FHIT: variants seen among roughly 807,000 people sequenced by gnomAD.
FHIT encodes the protein bis(5'-adenosyl)-triphosphatase.
FHIT carries 19 observed loss-of-function variants against 17.9 expected under a neutral mutation model. That is an observed-to-expected ratio of 1.06 (90% CI 0.74 to 1.56). The LOEUF (loss-of-function observed/expected upper bound fraction) is 1.56, where lower values mean the gene tolerates loss of function less well. FHIT is among the 40% of genes most tolerant of loss of function. FHIT has a pLI of 0.00. For synonymous variants in FHIT, 81 were observed against 69.7 expected, an observed-to-expected ratio of 1.16 and a Z score of -0.81; for missense variants, 248 against 189.2, an observed-to-expected ratio of 1.31 and a Z score of -1.82.
chr3:60,970,053 C>A (rs1032529466), intron 3 of FHIT, among the ~76,000 whole-genome samples: 6 of 152,048 alleles, frequency 3.9e-5, no homozygotes, highest in African/African-American at 1.4e-4. Flanking sequence ...TAAACTCCTA[C>A]ACTGAAGCGA....
intron 7 of FHIT, among the ~76,000 whole-genome samples, chr3:59,965,050 C>T (rs1250269663): frequency 6.6e-6 from 1 of 152,092 alleles, no homozygotes; most frequent in African/African-American, 2.4e-5. Context: ...ACACTTGTGG[C>T]CCTCTGCTCT....
chr3:60,637,111 T>C (rs1212863488), intron 4 of FHIT, among the ~76,000 whole-genome samples: 1 of 151,900 alleles, frequency 6.6e-6, no homozygotes, highest in African/African-American at 2.4e-5. Flanking sequence ...AAGAATCCCC[T>C]TCATTAAAAC....
At chr3:60,836,035 G>T (rs1174005072) in intron 3 of FHIT, among the ~76,000 whole-genome samples, 4 of 152,136 alleles carry the variant, frequency 2.6e-5, no homozygotes, top group Admixed American at 2.6e-4. Context: ...CCATCTGTAT[G>T]CCTTTCATTT....
chr3:60,704,499 T>A (rs1367312269), intron 4 of FHIT, among the ~76,000 whole-genome samples: 3 of 152,158 alleles, frequency 2.0e-5, no homozygotes, highest in Non-Finnish European at 4.4e-5. Flanking sequence ...GAAATTAGAG[T>A]AACATATTTG....
intron 5 of FHIT, among the ~76,000 whole-genome samples, chr3:60,381,836 A>G (rs1700812431): frequency 6.6e-6 from 1 of 151,630 alleles, no homozygotes; most frequent in Non-Finnish European, 1.5e-5. Flanking sequence ...AACTCTGGGT[A>G]TGGCGTGTTC....
intron 5 of FHIT, among the ~76,000 whole-genome samples, chr3:60,096,754 G>T (rs1369971500): frequency 6.6e-6 from 1 of 152,128 alleles, no homozygotes; most frequent in East Asian, 1.9e-4. Context: ...AAAACAAACT[G>T]CTGGCTAAAT....
rs113618734 is a variant in FHIT, at chr3:60,446,657, G to A, written c.103+90203C>T. Among the ~76,000 whole-genome samples, 523 of 152,148 alleles carry A rather than the reference G, an allele frequency of 3.4e-3. 1 individual carries two copies. Among genetic ancestry groups the A allele is most frequent in the Middle Eastern group, 6.8e-3 (2 of 294 alleles). ...GCTTGAAGCCAGGAGTTCAAGACCAGTCTGGTCAACATAGCAAGACCCTGT... is the reference window on the plus strand; with the variant it reads ...GCTTGAAGCCAGGAGTTCAAGACCAATCTGGTCAACATAGCAAGACCCTGT... On this transcript the variant is annotated intron_variant, in intron 5 of 9. Transcript: ENST00000492590.
At chr3:60,608,896 G>C (rs149106012) in intron 4 of FHIT, among the ~76,000 whole-genome samples, 2 of 151,880 alleles carry the variant, frequency 1.3e-5, no homozygotes, top group East Asian at 3.9e-4. Flanking sequence ...CTTCATAATA[G>C]GTAACATGAT....
At chr3:60,524,928 G>T (rs527687576) in intron 5 of FHIT, among the ~76,000 whole-genome samples, 2 of 152,286 alleles carry the variant, frequency 1.3e-5, no homozygotes, top group African/African-American at 4.8e-5. Context: ...TTGAGATATG[G>T]ACATCTCTTT....
At chr3:60,239,210 T>C (rs771473876) in intron 5 of FHIT, among the ~76,000 whole-genome samples, 3 of 152,224 alleles carry the variant, frequency 2.0e-5, no homozygotes, top group Non-Finnish European at 4.4e-5. Context: ...AGGGAAGCTA[T>C]ATACTTGTTT....
intron 4 of FHIT, among the ~76,000 whole-genome samples, chr3:60,786,370 A>C (rs533357350): frequency 6.6e-6 from 1 of 152,368 alleles, no homozygotes; most frequent in South Asian, 2.1e-4. Flanking sequence ...TTGATATCTT[A>C]AAACAAAATT....
chr3:60,634,019 G>A (rs1277832142), intron 4 of FHIT, among the ~76,000 whole-genome samples: 5 of 152,208 alleles, frequency 3.3e-5, no homozygotes, highest in Admixed American at 2.0e-4. Flanking sequence ...CAGAGCTGCT[G>A]TACTGTAAGT....
intron 4 of FHIT, among the ~76,000 whole-genome samples, chr3:60,728,704 T>TAC (rs56012549): frequency 0.57 from 84,123 of 147,206 alleles, 24,390 homozygotes; most frequent in East Asian, 0.8. Flanking sequence ...CACACACACA[T>TAC]ACACACACAC....
At chr3:60,606,761 A>T (rs919433529) in intron 4 of FHIT, among the ~76,000 whole-genome samples, 18 of 151,994 alleles carry the variant, frequency 1.2e-4, no homozygotes, top group Non-Finnish European at 1.5e-5. Context: ...GTGACATGCC[A>T]CTCACTCACT....
chr3:60,003,982 C>G (rs1242404907), intron 7 of FHIT, among the ~76,000 whole-genome samples: 1 of 151,566 alleles, frequency 6.6e-6, no homozygotes, highest in African/African-American at 2.4e-5. Context: ...TATTTGATTT[C>G]CTAGGCTTGA....
intron 5 of FHIT, among the ~76,000 whole-genome samples, chr3:60,147,630 T>C (rs927982721): frequency 3.3e-5 from 5 of 152,124 alleles, no homozygotes; most frequent in East Asian, 1.9e-4. Flanking sequence ...CTGATATTTA[T>C]GTAATAACAA....
intron 5 of FHIT, among the ~76,000 whole-genome samples, chr3:60,446,459 G>C (rs2031337923): frequency 6.6e-6 from 1 of 152,078 alleles, no homozygotes; most frequent in Admixed American, 6.6e-5. Flanking sequence ...GTCCACCTCT[G>C]GTTTACACAC....
intron 5 of FHIT, among the ~76,000 whole-genome samples, chr3:60,037,390 C>CTTT (rs35755244): frequency 7.5e-6 from 1 of 133,722 alleles, no homozygotes; most frequent in South Asian, 2.4e-4. Flanking sequence ...CCAAGTCTTT[C>CTTT]TTTTTTTTTT....
chr3:60,424,456 A>T (rs988823081), intron 5 of FHIT, among the ~76,000 whole-genome samples: 4 of 152,188 alleles, frequency 2.6e-5, no homozygotes, highest in African/African-American at 9.6e-5. Flanking sequence ...ACAAAGCTAA[A>T]GTCAGAAATG....
Sources: allele counts gnomAD v4.1 joint callset (sites outside exome capture counted in the v4.1 genomes callset), GRCh38; gene constraint gnomAD v4.1.1; transcripts MANE v1.5; gene names NCBI Gene and HGNC (gene_info 2026-07-23, HGNC 2026-07-21).